The following GALNT18 variants were observed in gnomAD, a reference collection of about 807,000 sequenced individuals.
GALNT18 encodes GalNAc-transferase 18.
Under a neutral mutation model 69.5 loss-of-function variants are expected in GALNT18, and 44 were observed. That is an observed-to-expected ratio of 0.63 (90% CI 0.50 to 0.81). The LOEUF is 0.81. Ranked by LOEUF, GALNT18 falls within the 40% of genes least tolerant of loss-of-function variation. The pLI is 0.00. For missense variants in GALNT18, 715 were observed against 810.0 expected (o/e 0.88, Z 1.42); for synonymous variants, 364 against 318.2 (o/e 1.14, Z -1.53).
intron 7 of GALNT18, among the ~76,000 whole-genome samples, chr11:11,336,903 AAG>A (rs1385616621): frequency 3.9e-5 from 6 of 152,196 alleles, no homozygotes; most frequent in South Asian, 2.1e-4. Context: ...GAGAAAGTGA[AAG>A]AGAGAATAGA....
chr11:11,591,676 A>C lies in GALNT18; in HGVS notation c.235+29683T>G, dbSNP rs1859364697. ...CTCCTGGGTGAATGTATGTGGTTAA[A>C]GGAGGCTGAGATAGTAATAGAAGTG... is the stretch of plus-strand genomic sequence containing the variant. On this transcript the variant is annotated intron_variant, in intron 1 of 10. Transcript: ENST00000227756. The surrounding 1 kb of genome is among the most constrained non-coding windows in gnomAD (Gnocchi z 4.8). 6.6e-6 allele frequency among the ~76,000 whole-genome samples: 1 copy of C among 152,206 alleles called. No individual in the cohort carries two copies. The highest frequency in any genetic ancestry group is 1.5e-5 in the Non-Finnish European group (1 of 68,038).
At chr11:11,568,178 C>T (rs950014402) in intron 1 of GALNT18, among the ~76,000 whole-genome samples, 20 of 152,232 alleles carry the variant, frequency 1.3e-4, no homozygotes, top group Non-Finnish European at 4.4e-5. Context: ...AGCAGAACCA[C>T]AGCCAACGCA....
At chr11:11,307,038 C>T (rs987949183) in intron 9 of GALNT18, among the ~76,000 whole-genome samples, 7 of 152,194 alleles carry the variant, frequency 4.6e-5, no homozygotes, top group African/African-American at 7.2e-5. Context: ...TCACTCCAGC[C>T]GACTGTCAGC....
intron 9 of GALNT18, among the ~76,000 whole-genome samples, chr11:11,317,165 C>T (rs543954055): frequency 1.3e-5 from 2 of 152,366 alleles, no homozygotes; most frequent in South Asian, 4.1e-4. Flanking sequence ...TTCTCAGCAG[C>T]TTCACCTCAC....
Position 11,379,225 on chromosome 11 carries a change from A to G in GALNT18, c.635T>C (p.Val212Ala). The change falls in exon 4 of 11, where the codon GTG becomes GCG. Residue 212 changes from valine (V) to alanine (A), a missense_variant. By Grantham distance (64) the Val-to-Ala change is moderately conservative. Coordinates refer to ENST00000227756, the MANE Select transcript of GALNT18 (RefSeq NM_198516.3). ...KEKLTEYVDK[V>A]NSQKPGFIKV... ...GATGAAGCCTGGCTTCTGGCTGTTC[A>G]CCTTGTCCACATATTCGGTCAGCTT... 6.2e-7 allele frequency: 1 copy of G among 1,613,126 alleles called. No individual in the cohort carries two copies. Among genetic ancestry groups the G allele is most frequent in the South Asian group, 1.1e-5 (1 of 90,992 alleles).
chr11:11,611,833 A>C (rs995398662), intron 1 of GALNT18, among the ~76,000 whole-genome samples: 1 of 152,188 alleles, frequency 6.6e-6, no homozygotes, highest in African/African-American at 2.4e-5. Context: ...ACAGTGACCT[A>C]GGAGAAAAGG....
chr11:11,417,111 CA>C (rs1014152115), intron 3 of GALNT18, among the ~76,000 whole-genome samples: 1 of 152,228 alleles, frequency 6.6e-6, no homozygotes, highest in African/African-American at 2.4e-5. Context: ...GTGACTCACC[CA>C]GGATGGCATC....
intron 10 of GALNT18, among the ~76,000 whole-genome samples, chr11:11,281,354 C>A (rs540565076): frequency 1.3e-5 from 2 of 152,292 alleles, no homozygotes; most frequent in East Asian, 3.9e-4. Flanking sequence ...AGCCAGAGGA[C>A]TGATAGGAAT....
Position 11,505,086 on chromosome 11 carries a change from T to G in GALNT18, c.236-56150A>C, listed in dbSNP as rs1857045627. The stretch of plus-strand genomic sequence containing the variant: ...TGGGAACATAGGAAAAGGAGCAAAG[T>G]TTAAAGAAAATGCCACCTTGAGGGG... On this transcript the variant is annotated intron_variant, in intron 1 of 10. Transcript: ENST00000227756. The surrounding 1 kb of genome is among the most constrained non-coding windows in gnomAD (Gnocchi z 4.6). Among the ~76,000 whole-genome samples the G allele has an allele frequency of 1.3e-5, 2 of 152,072 alleles. No homozygotes were observed. The highest frequency in any genetic ancestry group is 2.9e-5 in the Non-Finnish European group (2 of 68,016).
At chr11:11,464,271 C>T (rs535160450) in intron 1 of GALNT18, among the ~76,000 whole-genome samples, 76 of 152,326 alleles carry the variant, frequency 5.0e-4, no homozygotes, top group Non-Finnish European at 9.4e-4. Context: ...AAAGCCTATG[C>T]CCAGAAAGAT....
At chr11:11,394,153 C>A (rs2133721741) in intron 3 of GALNT18, among the ~76,000 whole-genome samples, 1 of 152,214 alleles carries the variant, frequency 6.6e-6, no homozygotes, top group Admixed American at 6.5e-5. Context: ...GATGTGACAA[C>A]CTCTGCAGGG....
Position 11,463,142 on chromosome 11 carries a change from C to T in GALNT18, c.236-14206G>A, listed in dbSNP as rs975814144. ...CAGTCTCCCACAAGAGAACAGGGTT[C>T]CTGCTTCCCTCAGTTATCACTGGCT... is the stretch of plus-strand genomic sequence containing the variant. On this transcript the variant is annotated intron_variant, in intron 1 of 10. Coordinates refer to ENST00000227756, the MANE Select transcript of GALNT18 (RefSeq NM_198516.3). This position sits in a 1 kb window ranked among gnomAD's most constrained non-coding sequence, Gnocchi z 4.2. Among the ~76,000 whole-genome samples the T allele has an allele frequency of 1.5e-4, 23 of 152,020 alleles. No individual in the cohort carries two copies. Among genetic ancestry groups the T allele is most frequent in the African/African-American group, 5.1e-4 (21 of 41,394 alleles).
rs938699316 is a variant in GALNT18 at position 11,347,957 on chromosome 11, C to T, written c.1093-6953G>A. On this transcript the variant is annotated intron_variant, in intron 6 of 10. Coordinates refer to ENST00000227756, the MANE Select transcript of GALNT18 (RefSeq NM_198516.3). The surrounding 1 kb of genome is among the most constrained non-coding windows in gnomAD (Gnocchi z 4.0). ...GACCAGAAAGTCACTCGCAGAGTGGCTGAACGGTCAGAGATGTAGGCAAAT... is the reference window on the plus strand; with the variant it reads ...GACCAGAAAGTCACTCGCAGAGTGGTTGAACGGTCAGAGATGTAGGCAAAT... Among the ~76,000 whole-genome samples the T allele has an allele frequency of 2.0e-5, 3 of 152,124 alleles. No homozygotes were observed. The highest frequency in any genetic ancestry group is 7.2e-5 in the African/African-American group (3 of 41,420).
intron 10 of GALNT18, among the ~76,000 whole-genome samples, chr11:11,280,086 G>C (rs540367422): frequency 2.0e-5 from 3 of 152,078 alleles, no homozygotes; most frequent in Non-Finnish European, 4.4e-5. Context: ...AACCTATTCA[G>C]AAGCATTCAC....
Position 11,461,166 on chromosome 11 carries a change from A to G in GALNT18, c.236-12230T>C, listed in dbSNP as rs1008110819. Among the ~76,000 whole-genome samples, 12 of 151,978 alleles carry G rather than the reference A, an allele frequency of 7.9e-5. No individual in the cohort carries two copies. The highest frequency in any genetic ancestry group is 2.9e-4 in the African/African-American group (12 of 41,368). Reference sequence around the variant, plus strand: ...AGGATGATCTCTCTCCGTCAGAAAAATCCCACTCCACTCCTGACGGGCTGG... The same window carrying G: ...AGGATGATCTCTCTCCGTCAGAAAAGTCCCACTCCACTCCTGACGGGCTGG... On this transcript the variant is annotated intron_variant, in intron 1 of 10. Transcript: ENST00000227756. The surrounding 1 kb of genome is among the most constrained non-coding windows in gnomAD (Gnocchi z 4.1).
intron 6 of GALNT18, among the ~76,000 whole-genome samples, chr11:11,357,486 C>A (rs1235179140): frequency 6.6e-6 from 1 of 152,168 alleles, no homozygotes; most frequent in Non-Finnish European, 1.5e-5. Flanking sequence ...CCTCCTTAGA[C>A]CTTTGAAATC....
rs6484881 is a variant in GALNT18, at chr11:11,404,147, C to T, written c.596-24883G>A. Among the ~76,000 whole-genome samples, 135,646 of 152,250 alleles carry T rather than the reference C, an allele frequency of 0.89. 60,544 individuals carry two copies. Among genetic ancestry groups the T allele is most frequent in the East Asian group, 1 (5,143 of 5,158 alleles). On this transcript the variant is annotated intron_variant, in intron 3 of 10. Coordinates refer to ENST00000227756, the MANE Select transcript of GALNT18 (RefSeq NM_198516.3). This position sits in a 1 kb window ranked among gnomAD's most constrained non-coding sequence, Gnocchi z 4.5. ...CATGTCTCATGGGCTCCCCATGAAA[C>T]GGGCTTTCTCTTCCGTAAAGGAGTG...
intron 1 of GALNT18, among the ~76,000 whole-genome samples, chr11:11,493,175 C>G (rs187830513): frequency 2.1e-5 from 3 of 145,442 alleles, no homozygotes; most frequent in African/African-American, 7.6e-5. Flanking sequence ...GCAGGAGAAT[C>G]GCTTCAACCT....
In GALNT18 at chr11:11,488,740, G is replaced by A. The variant is rs371148737; in HGVS notation, c.236-39804C>T. ...ATCTGATCCAAGCTTCTTTTCTCCTGGGCCCTGTAAGAGTGAGAGGGCCAC... is the reference window on the plus strand; with the variant it reads ...ATCTGATCCAAGCTTCTTTTCTCCTAGGCCCTGTAAGAGTGAGAGGGCCAC... On this transcript the variant is annotated intron_variant, in intron 1 of 10. Coordinates refer to ENST00000227756, the MANE Select transcript of GALNT18 (RefSeq NM_198516.3). Among the ~76,000 whole-genome samples the A allele has an allele frequency of 1.1e-4, 16 of 152,196 alleles. No homozygotes were observed. The East Asian group carries it at 2.1e-3, about 20-fold the overall frequency.
Sources: gnomAD v4.1 joint callset for allele counts (sites outside exome capture counted in the v4.1 genomes callset) on GRCh38, gnomAD v4.1.1 for gene constraint, Gnocchi (gnomAD v3.1) non-coding constraint, MANE v1.5 for transcripts, NCBI Gene and HGNC (gene_info 2026-07-23, HGNC 2026-07-21) for gene names.